The following PARD3 variants were observed in gnomAD, a reference collection of about 807,000 sequenced individuals.
PARD3 encodes partitioning defective 3 homolog.
PARD3 carries 75 observed loss-of-function variants against 155.4 expected under a neutral mutation model. The ratio of observed to expected loss-of-function variants is 0.48; its 90% CI spans 0.40 to 0.58. The LOEUF (loss-of-function observed/expected upper bound fraction) is 0.58. Among genes scored for constraint, PARD3 ranks in the 20% least tolerant of loss-of-function variants. The pLI is 0.00. For missense variants in PARD3, 1,642 were observed against 1,721.7 expected (o/e 0.95, Z 0.82); for synonymous variants, 576 against 610.5 (o/e 0.94, Z 0.83).
intron 14 of PARD3, 145 bp downstream of exon 14, chr10:34,359,002 A>G: frequency 1.7e-6 from 1 of 589,300 alleles, no homozygotes; most frequent in African/African-American, 1.9e-5. Flanking sequence ...CAATCCACCT[A>G]CAAAATAATA....
At chr10:34,217,618 G>A (rs191871114) in intron 22 of PARD3, among the ~76,000 whole-genome samples, 4 of 152,240 alleles carry the variant, frequency 2.6e-5, no homozygotes, top group Admixed American at 6.5e-5. Flanking sequence ...TGCTCGTGGC[G>A]TGCACTGAGA....
chr10:34,686,369 G>A (rs537905610), intron 2 of PARD3, among the ~76,000 whole-genome samples: 2 of 151,694 alleles, frequency 1.3e-5, no homozygotes, highest in South Asian at 4.2e-4. Context: ...ACTGGCCATA[G>A]TTGAAAATTC....
chr10:34,149,178 G>A (rs958226093), intron 22 of PARD3, among the ~76,000 whole-genome samples: 1 of 152,064 alleles, frequency 6.6e-6, no homozygotes, highest in Non-Finnish European at 1.5e-5. Context: ...GACCATTTGA[G>A]TATTTTTAAA....
chr10:34,684,778 TACACACACACACACAC>T (rs3087285), intron 2 of PARD3, among the ~76,000 whole-genome samples: 2,765 of 119,096 alleles, frequency 0.023, 37 homozygotes, highest in Non-Finnish European at 0.03. Context: ...TGATGATACA[TACACACACACACACAC>T]ACACACACAC....
At chr10:34,439,159 G>A (rs941390103) in intron 5 of PARD3, among the ~76,000 whole-genome samples, 3 of 152,318 alleles carry the variant, frequency 2.0e-5, no homozygotes, top group Non-Finnish European at 4.4e-5. Context: ...AGAGGTCAGG[G>A]AAGCTTCTGC....
At chr10:34,789,640 T>C (rs750091522) in intron 1 of PARD3, among the ~76,000 whole-genome samples, 11 of 151,946 alleles carry the variant, frequency 7.2e-5, no homozygotes, top group Non-Finnish European at 1.2e-4. Context: ...GGAGGTCAAG[T>C]CCACCATGAG....
intron 3 of PARD3, among the ~76,000 whole-genome samples, chr10:34,512,597 C>A (rs1473659238): frequency 6.6e-6 from 1 of 152,188 alleles, no homozygotes; most frequent in Non-Finnish European, 1.5e-5. Flanking sequence ...AGAGCATAGT[C>A]TGGATTGAGA....
At chr10:34,147,321 A>C (rs1245298926) in intron 22 of PARD3, among the ~76,000 whole-genome samples, 2 of 152,166 alleles carry the variant, frequency 1.3e-5, no homozygotes, top group East Asian at 3.8e-4. Context: ...TTGAGACTTT[A>C]TTGTATTGTT....
intron 19 of PARD3, among the ~76,000 whole-genome samples, chr10:34,329,954 G>T (rs1300171238): frequency 1.3e-5 from 2 of 151,956 alleles, no homozygotes; most frequent in Non-Finnish European, 2.9e-5. Flanking sequence ...CTCAAAATGT[G>T]ATCTTTATTA....
At chr10:34,427,041 C>A (rs2075646429) in intron 5 of PARD3, among the ~76,000 whole-genome samples, 1 of 152,206 alleles carries the variant, frequency 6.6e-6, no homozygotes, top group African/African-American at 2.4e-5. Flanking sequence ...ATCCTGTCAT[C>A]TTTGTAAGCT....
chr10:34,275,458 A>G (rs1955828913), intron 21 of PARD3, among the ~76,000 whole-genome samples: 1 of 152,234 alleles, frequency 6.6e-6, no homozygotes, highest in African/African-American at 2.4e-5. Context: ...CTGTACAAAT[A>G]GCACTTTAGA....
intron 22 of PARD3, among the ~76,000 whole-genome samples, chr10:34,188,421 C>T (rs1950573393): frequency 6.6e-6 from 1 of 152,112 alleles, no homozygotes; most frequent in Non-Finnish European, 1.5e-5. Context: ...ACGTTTTTTA[C>T]TTATGATCCA....
chr10:34,690,098 C>T (rs895634595), intron 2 of PARD3, among the ~76,000 whole-genome samples: 1 of 152,134 alleles, frequency 6.6e-6, no homozygotes, highest in Admixed American at 6.5e-5. Flanking sequence ...CACATGCCAC[C>T]ACACCCAGCT....
At chr10:34,793,364 C>G (rs971729906) in intron 1 of PARD3, among the ~76,000 whole-genome samples, 3 of 151,968 alleles carry the variant, frequency 2.0e-5, no homozygotes, top group African/African-American at 7.3e-5. Context: ...GGGGTCGTGG[C>G]GGTAAAGAGA....
chr10:34,648,894 G>A (rs2092924518), intron 2 of PARD3, among the ~76,000 whole-genome samples: 1 of 152,054 alleles, frequency 6.6e-6, no homozygotes, highest in Non-Finnish European at 1.5e-5. Context: ...TCTGGGGAAT[G>A]GCCAGGATAA....
At chr10:34,255,927 G>C (rs1954630711) in intron 22 of PARD3, among the ~76,000 whole-genome samples, 1 of 152,146 alleles carries the variant, frequency 6.6e-6, no homozygotes, top group East Asian at 1.9e-4. Context: ...GGATTCATTT[G>C]AGGGGAACTT....
At chr10:34,676,726 T>G (rs2133295447) in intron 2 of PARD3, among the ~76,000 whole-genome samples, 1 of 152,292 alleles carries the variant, frequency 6.6e-6, no homozygotes, top group Admixed American at 6.5e-5. Context: ...ATAAACAATA[T>G]TATGGAATTC....
At chr10:34,394,360 T>C (rs1468935303) in intron 7 of PARD3, among the ~76,000 whole-genome samples, 5 of 152,172 alleles carry the variant, frequency 3.3e-5, no homozygotes, top group African/African-American at 7.2e-5. Flanking sequence ...GTTCTCACTC[T>C]GCCATGCCAA....
chr10:34,611,930 G>GCCC (rs34946255), intron 2 of PARD3, among the ~76,000 whole-genome samples: 1 of 104,648 alleles, frequency 9.6e-6, no homozygotes, highest in Non-Finnish European at 1.9e-5. Context: ...CTGCCTCAGC[G>GCCC]CCCCCCCTAC....
Sources: gnomAD v4.1 joint callset for allele counts (sites outside exome capture counted in the v4.1 genomes callset) on GRCh38, gnomAD v4.1.1 for gene constraint, MANE v1.5 for transcripts, NCBI Gene and HGNC (gene_info 2026-07-23, HGNC 2026-07-21) for gene names.